DAB1: variants seen among roughly 807,000 people sequenced by gnomAD.
DAB1 encodes disabled homolog 1.
In DAB1, 15 loss-of-function variants were observed where a neutral mutation model predicts 64.6. That is an observed-to-expected ratio of 0.23 (90% CI 0.16 to 0.36). DAB1 has a LOEUF of 0.36. DAB1 is among the 10% of genes least tolerant of loss of function. The pLI is 1.00. For missense variants in DAB1, 596 were observed against 706.7 expected (o/e 0.84, Z 1.78); for synonymous variants, 235 against 251.9 (o/e 0.93, Z 0.64).
chr1:58,021,142 A>G (rs1354547094), intron 5 of DAB1, among the ~76,000 whole-genome samples: 3 of 152,250 alleles, frequency 2.0e-5, no homozygotes, highest in African/African-American at 4.8e-5. Context: ...CCTGACTTCA[A>G]TGCAAATTCA....
chr1:57,936,650 G>A (rs571026316), intron 5 of DAB1, among the ~76,000 whole-genome samples: 2 of 152,006 alleles, frequency 1.3e-5, no homozygotes, highest in South Asian at 4.2e-4. Context: ...TGATCCATTT[G>A]CCTCAGCCTC....
chr1:57,901,965 G>A (rs1400580440), intron 5 of DAB1, among the ~76,000 whole-genome samples: 5 of 151,546 alleles, frequency 3.3e-5, no homozygotes, highest in South Asian at 4.2e-4. Context: ...ACAAACACGC[G>A]GGCAACATGG....
At chr1:58,118,503 T>TATATATACACACACACAC (rs1341446315) in intron 5 of DAB1, among the ~76,000 whole-genome samples, 13 of 53,100 alleles carry the variant, frequency 2.4e-4, no homozygotes, top group African/African-American at 7.3e-4. Flanking sequence ...TATATATATA[T>TATATATACACACACACAC]ACACACACAC....
chr1:57,096,397 T>C (rs1654169529), intron 4 of DAB1, among the ~76,000 whole-genome samples: 1 of 152,188 alleles, frequency 6.6e-6, no homozygotes, highest in Non-Finnish European at 1.5e-5. Flanking sequence ...GCAAGAGATA[T>C]ATTTAAACTC....
intron 6 of DAB1, among the ~76,000 whole-genome samples, chr1:57,732,235 T>C (rs771509412): frequency 5.3e-5 from 8 of 152,158 alleles, no homozygotes; most frequent in African/African-American, 1.2e-4. Flanking sequence ...ACCTGGAAGA[T>C]GCAGATGAAA....
At chr1:58,515,905 G>A (rs1049513835) in intron 2 of DAB1, among the ~76,000 whole-genome samples, 2 of 151,994 alleles carry the variant, frequency 1.3e-5, no homozygotes, top group African/African-American at 4.8e-5. Context: ...ATTCTACAAG[G>A]TACTATTTTA....
chr1:57,061,139 C>T (rs1373799756), intron 9 of DAB1, among the ~76,000 whole-genome samples: 1 of 149,362 alleles, frequency 6.7e-6, no homozygotes, highest in Non-Finnish European at 1.5e-5. Context: ...AATAGGGTCC[C>T]TAGACTTGGG....
intron 6 of DAB1, among the ~76,000 whole-genome samples, chr1:57,652,135 C>T (rs1301090016): frequency 1.3e-5 from 2 of 152,202 alleles, no homozygotes; most frequent in African/African-American, 4.8e-5. Context: ...AAGTTCACAA[C>T]ATATGCAATT....
chr1:57,140,182 G>T (rs1232525828), intron 3 of DAB1, among the ~76,000 whole-genome samples: 2 of 152,128 alleles, frequency 1.3e-5, no homozygotes, highest in African/African-American at 4.8e-5. Context: ...TGGACTCTGT[G>T]CCTGACATTA....
intron 7 of DAB1, among the ~76,000 whole-genome samples, chr1:57,567,951 A>G (rs186383087): frequency 3.0e-4 from 45 of 152,360 alleles, no homozygotes; most frequent in African/African-American, 1.1e-3. Context: ...GAACCAAAAA[A>G]GAGCCCGCAT....
chr1:58,334,539 A>C (rs1412888607), intron 4 of DAB1, among the ~76,000 whole-genome samples: 1 of 150,952 alleles, frequency 6.6e-6, no homozygotes, highest in East Asian at 1.9e-4. Flanking sequence ...GGAGGTGATG[A>C]TTTGCTAGTG....
intron 2 of DAB1, among the ~76,000 whole-genome samples, chr1:57,153,385 A>G (rs1254879512): frequency 6.6e-6 from 1 of 152,160 alleles, no homozygotes; most frequent in Non-Finnish European, 1.5e-5. Context: ...AATCAAACAT[A>G]AATAGACATC....
At chr1:57,069,731 A>C (rs555538872) in intron 7 of DAB1, among the ~76,000 whole-genome samples, 15 of 152,272 alleles carry the variant, frequency 9.9e-5, no homozygotes, top group Middle Eastern at 3.4e-3. Context: ...ACCTGAATAC[A>C]TTGGTATTGC....
chr1:58,145,633 T>C (rs540924535), intron 5 of DAB1, among the ~76,000 whole-genome samples: 15 of 152,174 alleles, frequency 9.9e-5, no homozygotes, highest in African/African-American at 3.6e-4. Context: ...TTGAGGCCCA[T>C]AGAGGGAAAG....
intron 2 of DAB1, among the ~76,000 whole-genome samples, chr1:57,194,912 A>C (rs547805152): frequency 1.2e-4 from 19 of 152,248 alleles, no homozygotes; most frequent in Non-Finnish European, 2.6e-4. Context: ...GTTTATAGAC[A>C]GATGGAGGGA....
intron 2 of DAB1, among the ~76,000 whole-genome samples, chr1:57,150,075 G>T (rs1242206112): frequency 1.3e-5 from 2 of 152,022 alleles, no homozygotes; most frequent in Non-Finnish European, 2.9e-5. Flanking sequence ...GGATTCAGAG[G>T]ACCTGAGTTC....
intron 3 of DAB1, among the ~76,000 whole-genome samples, chr1:58,497,591 A>T (rs1645824501): frequency 6.7e-6 from 1 of 148,346 alleles, no homozygotes; most frequent in Non-Finnish European, 1.5e-5. Context: ...GCAATAGCAG[A>T]CATAGGGGAA....
chr1:57,389,563 G>A (rs1682170776), intron 1 of DAB1, among the ~76,000 whole-genome samples: 1 of 152,142 alleles, frequency 6.6e-6, no homozygotes, highest in African/African-American at 2.4e-5. Context: ...ACTCCTATTG[G>A]CCTTTATCCT....
chr1:57,511,084 A>G (rs1644399881), intron 7 of DAB1, among the ~76,000 whole-genome samples: 3 of 152,178 alleles, frequency 2.0e-5, no homozygotes, highest in South Asian at 2.1e-4. Context: ...ACCAAAGACC[A>G]TCTCTTGACT....
Sources: gnomAD v4.1 joint callset for allele counts (sites outside exome capture counted in the v4.1 genomes callset) on GRCh38, gnomAD v4.1.1 for gene constraint, MANE v1.5 for transcripts, NCBI Gene and HGNC (gene_info 2026-07-23, HGNC 2026-07-21) for gene names.